Variants in ZMAT4 observed in about 807,000 individuals in gnomAD.
ZMAT4 encodes the protein zinc finger matrin-type 4, also known as zinc finger matrin-type protein 4.
A neutral mutation model predicts 28.7 loss-of-function variants in ZMAT4; 17 were observed. That is an observed-to-expected ratio of 0.59 (90% CI 0.41 to 0.89). ZMAT4 has a LOEUF of 0.89. ZMAT4 is among the 40% of genes least tolerant of loss of function. The pLI is 0.00. For missense variants in ZMAT4, 240 were observed against 283.8 expected, an observed-to-expected ratio of 0.85 and a Z score of 1.11; for synonymous variants, 117 against 109.2, an observed-to-expected ratio of 1.07 and a Z score of -0.44.
At chr8:40,725,463 A>G (rs1445132116) in intron 3 of ZMAT4, among the ~76,000 whole-genome samples, 2 of 152,354 alleles carry the variant, frequency 1.3e-5, no homozygotes, top group Non-Finnish European at 2.9e-5. Flanking sequence ...TCGAGATGGC[A>G]TGTATTCATG....
rs1443022780 is a variant in ZMAT4 at position 40,640,883 on chromosome 8, T to C, written c.577+33821A>G. ...CTGAGGAAGGAGAATTGCTTGAACC[T>C]GCAAGGTGGAAGTTGCAGTGGGCCG... On this transcript the variant is annotated intron_variant, in intron 5 of 6. Coordinates refer to ENST00000297737, the MANE Select transcript of ZMAT4 (RefSeq NM_024645.3). Among the ~76,000 whole-genome samples, 18 of 149,692 alleles carry C rather than the reference T, an allele frequency of 1.2e-4. No homozygotes were observed. In the Admixed American group the frequency reaches 1.2e-3, roughly 10 times the overall value.
At chr8:40,665,435 G>C (rs558996500) in intron 5 of ZMAT4, among the ~76,000 whole-genome samples, 2 of 152,086 alleles carry the variant, frequency 1.3e-5, no homozygotes, top group African/African-American at 4.8e-5. Flanking sequence ...CATTCTAGGG[G>C]CCTCTCCAGC....
At chr8:40,890,726 A>G (rs1818638744) in intron 1 of ZMAT4, among the ~76,000 whole-genome samples, 1 of 152,004 alleles carries the variant, frequency 6.6e-6, no homozygotes, top group Non-Finnish European at 1.5e-5. Flanking sequence ...CCTGGTGGGC[A>G]CCCACAACCC....
chr8:40,777,914 T>C (rs561313629), intron 2 of ZMAT4, among the ~76,000 whole-genome samples: 1 of 152,372 alleles, frequency 6.6e-6, no homozygotes, highest in East Asian at 1.9e-4. Context: ...CTTTGTAGCA[T>C]GTATCATTAA....
chr8:40,545,710 G>A (rs1803179341), intron 6 of ZMAT4, among the ~76,000 whole-genome samples: 1 of 152,068 alleles, frequency 6.6e-6, no homozygotes, highest in South Asian at 2.1e-4. Context: ...ACCTTCAGAG[G>A]GAGCACAACC....
At chr8:40,555,094 C>T (rs550576254) in intron 6 of ZMAT4, among the ~76,000 whole-genome samples, 7 of 152,192 alleles carry the variant, frequency 4.6e-5, no homozygotes, top group East Asian at 3.9e-4. Context: ...CTGTGCCTGG[C>T]TTATTTTACT....
Position 40,798,706 on chromosome 8 carries a change from G to A in ZMAT4, c.102+26869C>T, listed in dbSNP as rs566272287. Among the ~76,000 whole-genome samples the A allele has an allele frequency of 8.5e-5, 13 of 152,310 alleles. No individual in the cohort carries two copies. In the East Asian group the frequency reaches 2.5e-3, roughly 29 times the overall value. ...TGCTTTCCCAGAGCAGCACTCGGCT[G>A]AGATTAATTTCCCTCTGCCTTTATT... On this transcript the variant is annotated intron_variant, in intron 2 of 6. Coordinates refer to ENST00000297737, the MANE Select transcript of ZMAT4 (RefSeq NM_024645.3).
intron 5 of ZMAT4, among the ~76,000 whole-genome samples, chr8:40,657,153 C>T (rs1419782466): frequency 6.6e-6 from 1 of 152,148 alleles, no homozygotes; most frequent in Non-Finnish European, 1.5e-5. Context: ...ACCTCAGTTT[C>T]CCAAGTAGCT....
In ZMAT4 at chr8:40,893,922, T is replaced by G. The variant is rs1409928132; in HGVS notation, c.-5+3761A>C. On this transcript the variant is annotated intron_variant, in intron 1 of 6. Coordinates refer to ENST00000297737, the MANE Select transcript of ZMAT4 (RefSeq NM_024645.3). ...ATAAGTGAGAACATACACACATCTT[T>G]GATTTCCTTTAAGAATGTAAATACC... Among the ~76,000 whole-genome samples the G allele has an allele frequency of 2.0e-5, 3 of 152,246 alleles. No individual in the cohort carries two copies. The East Asian group carries it at 5.8e-4, about 29-fold the overall frequency.
At chr8:40,795,349 T>C (rs1040661647) in intron 2 of ZMAT4, among the ~76,000 whole-genome samples, 4 of 152,154 alleles carry the variant, frequency 2.6e-5, no homozygotes, top group African/African-American at 9.7e-5. Flanking sequence ...ACGAGGTCTG[T>C]CCATCAGGCA....
intron 5 of ZMAT4, among the ~76,000 whole-genome samples, chr8:40,641,617 T>C (rs1807029858): frequency 6.6e-6 from 1 of 152,230 alleles, no homozygotes; most frequent in Non-Finnish European, 1.5e-5. Context: ...TTTGAAACCA[T>C]CATCACAATC....
At chr8:40,739,069 C>T (rs1811892544) in intron 3 of ZMAT4, among the ~76,000 whole-genome samples, 1 of 152,094 alleles carries the variant, frequency 6.6e-6, no homozygotes, top group Non-Finnish European at 1.5e-5. Context: ...TTTCTCAAAA[C>T]CAAGGATTTA....
chr8:40,744,900 T>A (rs1262933163), intron 3 of ZMAT4, among the ~76,000 whole-genome samples: 1 of 152,126 alleles, frequency 6.6e-6, no homozygotes, highest in Non-Finnish European at 1.5e-5. Flanking sequence ...TAGGAGAAAA[T>A]GCACCAGCAA....
chr8:40,703,621 G>A (rs1424023886), intron 3 of ZMAT4, among the ~76,000 whole-genome samples: 1 of 152,160 alleles, frequency 6.6e-6, no homozygotes, highest in African/African-American at 2.4e-5. Flanking sequence ...GAAATGAGGA[G>A]TGATTGCTAA....
chr8:40,644,629 T>A (rs951383548), intron 5 of ZMAT4, among the ~76,000 whole-genome samples: 3 of 152,162 alleles, frequency 2.0e-5, no homozygotes, highest in African/African-American at 7.2e-5. Flanking sequence ...TTTTGAATAA[T>A]TTATGTAGAT....
chr8:40,781,779 A>G (rs1296019739), intron 2 of ZMAT4, among the ~76,000 whole-genome samples: 6 of 148,036 alleles, frequency 4.1e-5, no homozygotes, highest in South Asian at 2.1e-4. Flanking sequence ...AAAAAAAAAA[A>G]AAAAAAAAAA....
chr8:40,766,872 G>A (rs1373656039), intron 3 of ZMAT4, among the ~76,000 whole-genome samples: 2 of 152,216 alleles, frequency 1.3e-5, no homozygotes, highest in African/African-American at 2.4e-5. Flanking sequence ...AAGATCACAA[G>A]CACACGGATG....
At chr8:40,756,426 T>TTTTATATATATATATATATATATA (rs1389568182) in intron 3 of ZMAT4, among the ~76,000 whole-genome samples, 2 of 73,276 alleles carry the variant, frequency 2.7e-5, no homozygotes, top group Non-Finnish European at 4.8e-5. Context: ...AAATGTTCTT[T>TTTTATATATATATATATATATATA]TATATATATA....
chr8:40,741,486 C>T (rs568744333), intron 3 of ZMAT4, among the ~76,000 whole-genome samples: 5 of 151,046 alleles, frequency 3.3e-5, no homozygotes, highest in African/African-American at 1.2e-4. Context: ...AAACGATGAT[C>T]TTGCTAGTGA....
Sources: gnomAD v4.1 joint callset for allele counts (sites outside exome capture counted in the v4.1 genomes callset) on GRCh38, gnomAD v4.1.1 for gene constraint, MANE v1.5 for transcripts, NCBI Gene and HGNC (gene_info 2026-07-23, HGNC 2026-07-21) for gene names.